The following OSBPL9 variants were observed in gnomAD, a reference collection of about 807,000 sequenced individuals.
The protein encoded by OSBPL9 is oxysterol binding protein like 9, also known as oxysterol-binding protein-related protein 9.
A neutral mutation model predicts 106.6 loss-of-function variants in OSBPL9; 40 were observed. The observed-to-expected ratio is 0.38, with a 90% CI of 0.29 to 0.49. OSBPL9 has a LOEUF of 0.49. Among genes scored for constraint, OSBPL9 ranks in the 20% least tolerant of loss-of-function variants. The pLI, the probability that OSBPL9 is intolerant of heterozygous loss-of-function variation, is 0.97. For synonymous variants in OSBPL9, 269 were observed against 295.4 expected (o/e 0.91, Z 0.92); for missense variants, 609 against 887.2 (o/e 0.69, Z 3.98).
At chr1:51,693,119 C>T (rs751296816) in intron 3 of OSBPL9, among the ~76,000 whole-genome samples, 2 of 151,906 alleles carry the variant, frequency 1.3e-5, no homozygotes, top group African/African-American at 2.4e-5. Flanking sequence ...ATGGCTCACC[C>T]CTGTAATTCC....
chr1:51,610,184 T>G (rs1643976771), intron 2 of OSBPL9, among the ~76,000 whole-genome samples: 1 of 152,186 alleles, frequency 6.6e-6, no homozygotes, highest in Non-Finnish European at 1.5e-5. Flanking sequence ...TAAGATTAGC[T>G]CTATCTGGGG....
intron 4 of OSBPL9, among the ~76,000 whole-genome samples, chr1:51,735,565 A>G (rs964719606): frequency 6.6e-6 from 1 of 152,218 alleles, no homozygotes; most frequent in Non-Finnish European, 1.5e-5. Flanking sequence ...ATAACATTTT[A>G]CCATGCTTGA....
At chr1:51,527,324 ATGATGG>A in the OSBPL9 span, among the ~76,000 whole-genome samples, 11 of 131,800 alleles carry the variant, frequency 8.3e-5, no homozygotes, top group South Asian at 2.5e-3. Flanking sequence ...CTATCCAATG[ATGATGG>A]TGATGATGAT....
Position 51,786,514 on chromosome 1 carries a change from A to C in OSBPL9, c.1909-12A>C. ...ATGGGTCTAGTTCCCATCCACCTCT[A>C]TTGTTTTCTAGGAAAATACAGTCTT... is the stretch of plus-strand genomic sequence containing the variant. On this transcript the variant is annotated splice_polypyrimidine_tract_variant and intron_variant, in intron 21 of 23. Transcript: ENST00000428468. The C allele has an allele frequency of 6.4e-7, 1 of 1,564,480 alleles. No homozygotes were observed.
chr1:51,730,185 C>T (rs990290017), intron 4 of OSBPL9: 1 of 1,235,452 alleles, frequency 8.1e-7, no homozygotes, highest in East Asian at 3.2e-5. Context: ...GTTCCTCAGC[C>T]TAGATGGGGT....
intron 4 of OSBPL9, among the ~76,000 whole-genome samples, chr1:51,719,336 G>A (rs1251483417): frequency 6.6e-6 from 1 of 152,160 alleles, no homozygotes; most frequent in Non-Finnish European, 1.5e-5. Flanking sequence ...TTCCTTGAAG[G>A]GGAGACCAGA....
chr1:51,658,430 T>G (rs1199912382), intron 2 of OSBPL9, among the ~76,000 whole-genome samples: 2 of 152,172 alleles, frequency 1.3e-5, no homozygotes, highest in Non-Finnish European at 2.9e-5. Context: ...TGAAGAATTC[T>G]AAAGGGCCTT....
intron 4 of OSBPL9, chr1:51,730,190 T>A: frequency 8.1e-7 from 1 of 1,230,908 alleles, no homozygotes; most frequent in Non-Finnish European, 1.0e-6. Context: ...TCAGCCTAGA[T>A]GGGGTGGAGG....
At chr1:51,768,523 T>C (rs1404736434) in intron 12 of OSBPL9, among the ~76,000 whole-genome samples, 3 of 152,246 alleles carry the variant, frequency 2.0e-5, no homozygotes, top group East Asian at 3.8e-4. Flanking sequence ...CTAAAGACAA[T>C]ACATTAGCTA....
chr1:51,683,815 A>G (rs2148808626), intron 3 of OSBPL9, among the ~76,000 whole-genome samples: 1 of 151,834 alleles, frequency 6.6e-6, no homozygotes, highest in East Asian at 1.9e-4. Context: ...AAATTTTGTT[A>G]TTTGTGATAA....
chr1:51,643,659 T>TTTGC (rs1172428649), intron 1 of OSBPL9, among the ~76,000 whole-genome samples: 2 of 152,160 alleles, frequency 1.3e-5, no homozygotes, highest in African/African-American at 2.4e-5. Flanking sequence ...AGTACTTTTT[T>TTTGC]TTGCTTGCTT....
intron 2 of OSBPL9, among the ~76,000 whole-genome samples, chr1:51,600,409 C>T (rs1462067527): frequency 6.6e-6 from 1 of 152,084 alleles, no homozygotes; most frequent in African/African-American, 2.4e-5. Flanking sequence ...GCACTTTTGC[C>T]CTTATGGACC....
At chr1:51,697,123 G>A (rs1253642836) in intron 3 of OSBPL9, among the ~76,000 whole-genome samples, 1 of 151,016 alleles carries the variant, frequency 6.6e-6, no homozygotes, top group Non-Finnish European at 1.5e-5. Context: ...TCATGCCACT[G>A]CTCTCCAGCC....
At chr1:51,760,805 A>T in intron 10 of OSBPL9, 25 bp downstream of exon 10, 1 of 1,610,394 alleles carries the variant, frequency 6.2e-7, no homozygotes, top group Non-Finnish European at 8.5e-7. Flanking sequence ...TGTTTCTTAG[A>T]TTCATTGATG....
chr1:51,590,391 C>T (rs536827700), intron 1 of OSBPL9, among the ~76,000 whole-genome samples: 1 of 151,732 alleles, frequency 6.6e-6, no homozygotes, highest in East Asian at 1.9e-4. Context: ...GAGGCCAAGG[C>T]GGGTGGATCA....
chr1:51,673,043 C>T (rs1223491935), intron 3 of OSBPL9, among the ~76,000 whole-genome samples: 1 of 152,080 alleles, frequency 6.6e-6, no homozygotes, highest in Non-Finnish European at 1.5e-5. Flanking sequence ...GAAAAGAGGT[C>T]CAACTACAGA....
At chr1:51,522,497 T>TTTTG in the OSBPL9 span, among the ~76,000 whole-genome samples, 8,520 of 152,092 alleles carry the variant, frequency 0.056, 721 homozygotes, top group African/African-American at 0.18. Context: ...AGAGAGGTGT[T>TTTTG]TTTGTTTGTT....
chr1:51,578,325 T>G (rs189697020), intron 1 of OSBPL9, among the ~76,000 whole-genome samples: 2 of 152,314 alleles, frequency 1.3e-5, no homozygotes, highest in Admixed American at 6.5e-5. Context: ...AACTTCTCAG[T>G]GCTAATTATT....
intron 3 of OSBPL9, among the ~76,000 whole-genome samples, chr1:51,692,489 C>T (rs867138199): frequency 2.6e-5 from 4 of 152,066 alleles, no homozygotes; most frequent in Non-Finnish European, 5.9e-5. Context: ...TTGCCACAAA[C>T]GCCCTGCAAA....
Sources: allele counts gnomAD v4.1 joint callset (sites outside exome capture counted in the v4.1 genomes callset), GRCh38; gene constraint gnomAD v4.1.1; transcripts MANE v1.5; gene names NCBI Gene and HGNC (gene_info 2026-07-23, HGNC 2026-07-21).